The following HNRNPL variants were observed in gnomAD, a reference collection of about 807,000 sequenced individuals.
HNRNPL encodes the protein heterogeneous nuclear ribonucleoprotein L, also known as epididymis secretory sperm binding protein.
In HNRNPL, 12 loss-of-function variants were observed where a neutral mutation model predicts 64.0. That is an observed-to-expected ratio of 0.19 (90% CI 0.12 to 0.30). The LOEUF (loss-of-function observed/expected upper bound fraction) is 0.30, where lower values mean the gene tolerates loss of function less well. Ranked by LOEUF, HNRNPL falls within the 10% of genes least tolerant of loss-of-function variation. The probability of loss-of-function intolerance (pLI) is 1.00; values close to 1 mark genes in which losing one functional copy is unlikely to be tolerated. For synonymous variants in HNRNPL, 385 were observed against 313.0 expected, an observed-to-expected ratio of 1.23 and a Z score of -2.43; for missense variants, 484 against 797.4, an observed-to-expected ratio of 0.61 and a Z score of 4.73.
In HNRNPL at chr19:38,837,499, A is replaced by G; in HGVS notation, c.1616-20T>C. On this transcript the variant is annotated intron_variant, in intron 11 of 12. Transcript: ENST00000221419. The stretch of plus-strand genomic sequence containing the variant: ...GCTCACCTGATTGCAAACCAAGGGG[A>G]AAAGTAAAGGTTTTAGACTCACCCA... The G allele has an allele frequency of 6.2e-7, 1 of 1,613,838 alleles. No individual in the cohort carries two copies. Among genetic ancestry groups the G allele is most frequent in the Non-Finnish European group, 8.5e-7 (1 of 1,179,682 alleles).
intron 1 of HNRNPL, 44 bp downstream of exon 1, chr19:38,849,655 TC>T: frequency 1.5e-6 from 2 of 1,300,106 alleles, no homozygotes; most frequent in South Asian, 2.4e-5. Context: ...TGGGAAATTG[TC>T]CCCCAGTTCC....
chr19:38,836,975 C>A, intron 12 of HNRNPL, 195 bp from the exon 13 acceptor site: 1 of 565,370 alleles, frequency 1.8e-6, no homozygotes, highest in South Asian at 2.4e-5. Flanking sequence ...TCCTTCATTC[C>A]CATAGAGAAT....
intron 1 of HNRNPL, chr19:38,847,693 G>A (rs1375019123): frequency 1.2e-5 from 3 of 260,498 alleles, no homozygotes; most frequent in East Asian, 6.8e-5. Flanking sequence ...CGGAGGGAGG[G>A]CCACACAAGT....
At chr19:38,839,976 A>T in intron 8 of HNRNPL, 120 bp downstream of exon 8, 2 of 860,626 alleles carry the variant, frequency 2.3e-6, no homozygotes, top group African/African-American at 1.7e-5. Context: ...GAGCTCACTG[A>T]GTCACTCATT....
intron 6 of HNRNPL, chr19:38,843,525 T>C (rs1600059522): frequency 5.4e-6 from 2 of 373,614 alleles, no homozygotes; most frequent in South Asian, 3.4e-5. Flanking sequence ...CTCACCAGAC[T>C]CTCAAAGGAG....
At chr19:38,846,201 A>G (rs888021469) in intron 2 of HNRNPL, 111 bp from the exon 3 acceptor site, 5 of 825,000 alleles carry the variant, frequency 6.1e-6, no homozygotes, top group Admixed American at 1.8e-5. Flanking sequence ...CTCCTCTGCA[A>G]CCCTATCATG....
intron 4 of HNRNPL, chr19:38,844,672 T>G (rs185173502): frequency 6.5e-6 from 1 of 153,628 alleles, no homozygotes; most frequent in Admixed American, 6.4e-5. Context: ...TATTTGCTCA[T>G]AGGACATCAC....
At chr19:38,844,866 C>T (rs1191858520) in intron 4 of HNRNPL, 3 of 152,150 alleles carry the variant, frequency 2.0e-5, no homozygotes, top group African/African-American at 7.2e-5. Context: ...CGTTCACCAC[C>T]ATGCCTGGCT....
At chr19:38,842,086 T>C (rs1158458451) in intron 6 of HNRNPL, 1 of 150,824 alleles carries the variant, frequency 6.6e-6, no homozygotes, top group African/African-American at 2.5e-5. Flanking sequence ...TTTTTGATTT[T>C]TTTTTTGTTG....
intron 6 of HNRNPL, chr19:38,841,307 A>C (rs1004952073): frequency 3.0e-5 from 10 of 334,230 alleles, no homozygotes; most frequent in Non-Finnish European, 5.2e-5. Context: ...TCCTCACAAC[A>C]ACCCTATGAG....
upstream of HNRNPL, chr19:38,850,991 T>A (rs1972490039): frequency 6.6e-6 from 1 of 152,344 alleles, no homozygotes; most frequent in Admixed American, 6.5e-5. Context: ...GTCCGTGCGA[T>A]CTAAATTAAC....
intron 1 of HNRNPL, among the ~76,000 whole-genome samples, chr19:38,848,522 C>T (rs2145437351): frequency 6.6e-6 from 1 of 152,324 alleles, no homozygotes; most frequent in Non-Finnish European, 1.5e-5. Context: ...AACTCTCTTC[C>T]GCCTCTCCTG....
Position 38,838,631 on chromosome 19 carries a change from T to C in HNRNPL, c.1356-33A>G, listed in dbSNP as rs145652689. ...AAGGAAGAAAGGGGAGCCTTTGTCA[T>C]ACCCAAAGTTGTCCCTGAAGCTTTC... On this transcript the variant is annotated intron_variant, in intron 9 of 12. Coordinates refer to ENST00000221419, the MANE Select transcript of HNRNPL (RefSeq NM_001533.3). 205 of 1,595,536 alleles carry C rather than the reference T, an allele frequency of 1.3e-4. 1 individual carries two copies. In the African/African-American group the frequency reaches 2.3e-3, roughly 18 times the overall value.
chr19:38,848,132 C>T (rs1972363423), intron 1 of HNRNPL, among the ~76,000 whole-genome samples: 1 of 152,130 alleles, frequency 6.6e-6, no homozygotes, highest in African/African-American at 2.4e-5. Flanking sequence ...ACTCTGTCAC[C>T]CAGGCTGGAG....
chr19:38,850,298 A>G, upstream of HNRNPL: 1 of 274,890 alleles, frequency 3.6e-6, no homozygotes, highest in Non-Finnish European at 6.8e-6. Flanking sequence ...AAACCTCCCA[A>G]GAATCTCCGC....
chr19:38,848,849 G>A (rs528495986), intron 1 of HNRNPL, among the ~76,000 whole-genome samples: 4 of 152,306 alleles, frequency 2.6e-5, no homozygotes, highest in African/African-American at 9.6e-5. Context: ...TGTGGGACAA[G>A]GCCAAGATTA....
chr19:38,851,736 CG>C (rs1164549888), upstream of HNRNPL, among the ~76,000 whole-genome samples: 4 of 152,164 alleles, frequency 2.6e-5, no homozygotes, highest in African/African-American at 9.7e-5. Flanking sequence ...TGCACTCCAG[CG>C]TGGGCGACGG....
intron 1 of HNRNPL, among the ~76,000 whole-genome samples, chr19:38,847,810 G>A (rs1466269468): frequency 1.3e-5 from 2 of 152,208 alleles, no homozygotes; most frequent in Non-Finnish European, 2.9e-5. Context: ...CTGGCAGCAA[G>A]GGCTCTAACA....
intron 2 of HNRNPL, among the ~76,000 whole-genome samples, chr19:38,846,862 T>G (rs1225215905): frequency 1.3e-5 from 2 of 152,076 alleles, no homozygotes; most frequent in Admixed American, 6.6e-5. Context: ...GAGCTGAGAT[T>G]GTCACTGCAC....
Sources: allele counts gnomAD v4.1 joint callset (sites outside exome capture counted in the v4.1 genomes callset), GRCh38; gene constraint gnomAD v4.1.1; transcripts MANE v1.5; gene names NCBI Gene and HGNC (gene_info 2026-07-23, HGNC 2026-07-21).